The following EVC2 variants were observed in gnomAD, a reference collection of about 807,000 sequenced individuals.
The protein encoded by EVC2 is EvC ciliary complex subunit 2.
EVC2 carries 148 observed loss-of-function variants against 149.3 expected under a neutral mutation model. The observed-to-expected ratio is 0.99, with a 90% CI of 0.87 to 1.14. EVC2 has a LOEUF of 1.14. Ranked by LOEUF, EVC2 falls within the 50% of genes most tolerant of loss-of-function variation. The pLI is 0.00. For missense variants in EVC2, 1,854 were observed against 1,627.3 expected (o/e 1.14, Z -2.40); for synonymous variants, 776 against 649.9 (o/e 1.19, Z -2.95).
At chr4:5,586,448 G>C (rs1286595160) in intron 16 of EVC2, among the ~76,000 whole-genome samples, 1 of 152,144 alleles carries the variant, frequency 6.6e-6, no homozygotes, top group East Asian at 1.9e-4. Flanking sequence ...TCTCAGCAAG[G>C]GGATTCCAAA....
At chr4:5,532,787 C>T in the EVC2 span, among the ~76,000 whole-genome samples, 1 of 151,774 alleles carries the variant, frequency 6.6e-6, no homozygotes, top group African/African-American at 2.4e-5. Flanking sequence ...GAGCATTGAT[C>T]GAATCTGTTT....
intron 9 of EVC2, among the ~76,000 whole-genome samples, chr4:5,654,750 C>A (rs1192125928): frequency 6.6e-6 from 1 of 152,226 alleles, no homozygotes; most frequent in Non-Finnish European, 1.5e-5. Context: ...CACTTCCAGG[C>A]CGCTGAAGGA....
intron 10 of EVC2, among the ~76,000 whole-genome samples, chr4:5,635,876 C>A (rs1323559411): frequency 6.6e-6 from 1 of 152,186 alleles, no homozygotes; most frequent in African/African-American, 2.4e-5. Flanking sequence ...CAGCTCTGAA[C>A]TGGATGCAGG....
rs1253506230 is a variant in EVC2 at position 5,633,700 on chromosome 4, A to T, written c.1471-1668T>A. Among the ~76,000 whole-genome samples, 1 of 152,248 alleles carries T rather than the reference A, an allele frequency of 6.6e-6. No individual in the cohort carries two copies. The highest frequency in any genetic ancestry group is 2.4e-5 in the African/African-American group (1 of 41,480). On this transcript the variant is annotated intron_variant, in intron 10 of 21. Transcript: ENST00000344408. This position sits in a 1 kb window ranked among gnomAD's most constrained non-coding sequence, Gnocchi z 4.4. ...GCATCATGCCATGGCTGGGCTGAGT[A>T]GAAGCCCGAGGAAGGCAGAAGGGGC... is the stretch of plus-strand genomic sequence containing the variant.
chr4:5,624,447 A>G (rs1010614297), intron 13 of EVC2, among the ~76,000 whole-genome samples: 1 of 152,202 alleles, frequency 6.6e-6, no homozygotes, highest in Non-Finnish European at 1.5e-5. Context: ...CATTCTACAA[A>G]TATGTATTGA....
intron 14 of EVC2, among the ~76,000 whole-genome samples, chr4:5,620,066 A>G (rs1715572465): frequency 6.6e-6 from 1 of 152,194 alleles, no homozygotes; most frequent in African/African-American, 2.4e-5. Context: ...AGACCTTCAG[A>G]GACCACGGGG....
At chr4:5,704,510 C>A (rs1722015686) in intron 1 of EVC2, among the ~76,000 whole-genome samples, 1 of 152,042 alleles carries the variant, frequency 6.6e-6, no homozygotes, top group African/African-American at 2.4e-5. Context: ...CACGGTGGAG[C>A]TCAGAGAAGG....
intron 16 of EVC2, among the ~76,000 whole-genome samples, chr4:5,588,009 C>T (rs1712449365): frequency 6.6e-6 from 1 of 152,076 alleles, no homozygotes; most frequent in Non-Finnish European, 1.5e-5. Flanking sequence ...TGGTCTCCTC[C>T]CTGAGTTCTA....
intron 15 of EVC2, among the ~76,000 whole-genome samples, chr4:5,615,946 G>A (rs1230861209): frequency 6.6e-6 from 1 of 152,184 alleles, no homozygotes; most frequent in African/African-American, 2.4e-5. Flanking sequence ...GGAGAAAACA[G>A]TCTGAAAACA....
chr4:5,618,760 C>G lies in EVC2; in HGVS notation c.2502-78G>C, dbSNP rs1715468646. ...GGCTGGGGTGAAGAAGCCAGAGATG[C>G]AAAGCTCATTCCTCATATCCATGTC... On this transcript the variant is annotated intron_variant, in intron 14 of 21. Transcript: ENST00000344408. This position sits in a 1 kb window ranked among gnomAD's most constrained non-coding sequence, Gnocchi z 4.4. 10 of 1,333,180 alleles carry G rather than the reference C, an allele frequency of 7.5e-6. No individual in the cohort carries two copies. Among genetic ancestry groups the G allele is most frequent in the Middle Eastern group, 2.0e-4 (1 of 4,910 alleles). The allele number at this position is 1,333,180 out of a possible 1,614,324, so 82.6% of individuals were successfully genotyped here.
intron 1 of EVC2, chr4:5,708,053 C>T (rs1328316131): frequency 3.3e-5 from 14 of 418,492 alleles, no homozygotes; most frequent in South Asian, 7.0e-5. Context: ...GAACCAGGGT[C>T]GCTGGTGAAG....
At chr4:5,689,449 G>C in intron 4 of EVC2, 106 bp from the exon 5 acceptor site, 1 of 1,105,482 alleles carries the variant, frequency 9.0e-7, no homozygotes, top group Middle Eastern at 2.9e-4. Context: ...GGAAGAAGGA[G>C]GGTAGCACGG....
At chr4:5,621,655 CAG>C (rs1715697912) in intron 14 of EVC2, among the ~76,000 whole-genome samples, 1 of 152,174 alleles carries the variant, frequency 6.6e-6, no homozygotes, top group African/African-American at 2.4e-5. Flanking sequence ...GCAAATGTTT[CAG>C]GGAAGTAAAG....
the EVC2 span, among the ~76,000 whole-genome samples, chr4:5,533,569 TG>T: frequency 7.9e-5 from 12 of 152,272 alleles, no homozygotes; most frequent in African/African-American, 2.6e-4. Context: ...TTCCAAGGAC[TG>T]GAGAGATTAA....
At chr4:5,650,814 A>C (rs1050570517) in intron 9 of EVC2, among the ~76,000 whole-genome samples, 30 of 152,198 alleles carry the variant, frequency 2.0e-4, no homozygotes, top group African/African-American at 6.5e-4. Flanking sequence ...ATTTGAACTC[A>C]TGACATGTTT....
intron 1 of EVC2, among the ~76,000 whole-genome samples, chr4:5,704,441 G>A (rs1043734210): frequency 6.6e-6 from 1 of 152,136 alleles, no homozygotes; most frequent in African/African-American, 2.4e-5. Flanking sequence ...CTGCCTTGGT[G>A]CATGAGTTGT....
Position 5,569,912 on chromosome 4 carries a change from T to G in EVC2, c.3361-1272A>C, listed in dbSNP as rs1722547386. On this transcript the variant is annotated intron_variant, in intron 19 of 21. Transcript: ENST00000344408. The surrounding 1 kb of genome is among the most constrained non-coding windows in gnomAD (Gnocchi z 4.8). Reference sequence around the variant, plus strand: ...TCCCTCCACTGTCACACTGAAATACTTGTTCTTCCCTGACCGTCCTGCTCG... The same window carrying G: ...TCCCTCCACTGTCACACTGAAATACGTGTTCTTCCCTGACCGTCCTGCTCG... Among the ~76,000 whole-genome samples, 1 of 152,150 alleles carries G rather than the reference T, an allele frequency of 6.6e-6. No homozygotes were observed. Among genetic ancestry groups the G allele is most frequent in the Non-Finnish European group, 1.5e-5 (1 of 68,026 alleles).
In EVC2 at chr4:5,665,628, G is replaced by T. The variant is rs1719222877; in HGVS notation, c.892C>A (p.His298Asn). ...NVTVLPHHGL[H>N]AAGFFIAFLL... Reference sequence around the variant, plus strand: ...AAGGCAATGAAGAACCCTGCTGCGTGGAGGCCGTGGTGCGGCAGAACCTGT... The same window carrying T: ...AAGGCAATGAAGAACCCTGCTGCGTTGAGGCCGTGGTGCGGCAGAACCTGT... Residue 298 changes from histidine to asparagine, a missense_variant, in exon 8 of 22, where the codon CAC (histidine) becomes AAC (asparagine). His to Asn is a moderately conservative substitution (Grantham distance 68, BLOSUM62 1). Coordinates refer to ENST00000344408, the MANE Select transcript of EVC2 (RefSeq NM_147127.5). The T allele has an allele frequency of 6.2e-7, 1 of 1,614,098 alleles. No homozygotes were observed. The highest frequency in any genetic ancestry group is 1.7e-5 in the Admixed American group (1 of 60,010).
rs955972941 is a variant in EVC2, at chr4:5,565,242, A to C, written c.3659+16T>G. ...TCACCCCCTCCCCAGCCACATGAGCAGGTGCCCATCATTACCTCTGCTTTC... is the reference window on the plus strand; with the variant it reads ...TCACCCCCTCCCCAGCCACATGAGCCGGTGCCCATCATTACCTCTGCTTTC... On this transcript the variant is annotated intron_variant, in intron 21 of 21. Coordinates refer to ENST00000344408, the MANE Select transcript of EVC2 (RefSeq NM_147127.5). 1.9e-6 allele frequency: 3 copies of C among 1,612,558 alleles called. No individual in the cohort carries two copies. The South Asian group carries it at 3.3e-5, about 18-fold the overall frequency.
Sources: allele counts gnomAD v4.1 joint callset (sites outside exome capture counted in the v4.1 genomes callset), GRCh38; gene constraint gnomAD v4.1.1; non-coding constraint Gnocchi (gnomAD v3.1); transcripts MANE v1.5; gene names NCBI Gene and HGNC (gene_info 2026-07-23, HGNC 2026-07-21).